Variants in DLG2 observed in about 807,000 individuals in gnomAD.
DLG2 encodes disks large homolog 2.
A neutral mutation model predicts 132.5 loss-of-function variants in DLG2; 45 were observed. That is an observed-to-expected ratio of 0.34 (90% CI 0.27 to 0.44). The LOEUF (loss-of-function observed/expected upper bound fraction) is 0.44, where lower values mean the gene tolerates loss of function less well. Among genes scored for constraint, DLG2 ranks in the 20% least tolerant of loss-of-function variants. The pLI, the probability that DLG2 is intolerant of heterozygous loss-of-function variation, is 1.00. For missense variants in DLG2, 1,045 were observed against 1,196.9 expected (o/e 0.87, Z 1.87); for synonymous variants, 424 against 419.6 (o/e 1.01, Z -0.13).
intron 3 of DLG2, among the ~76,000 whole-genome samples, chr11:85,529,769 T>C (rs1216817496): frequency 1.3e-5 from 2 of 152,092 alleles, no homozygotes; most frequent in African/African-American, 4.8e-5. Context: ...ACACTTTAGG[T>C]CCAGTGTCTC....
chr11:83,490,500 G>A (rs1290978753), intron 21 of DLG2, among the ~76,000 whole-genome samples: 2 of 151,952 alleles, frequency 1.3e-5, no homozygotes, highest in Non-Finnish European at 2.9e-5. Context: ...TCAAGTTAGG[G>A]AAGAATCATC....
At chr11:84,034,875 T>C (rs1032701067) in intron 11 of DLG2, among the ~76,000 whole-genome samples, 1 of 152,176 alleles carries the variant, frequency 6.6e-6, no homozygotes, top group Non-Finnish European at 1.5e-5. Flanking sequence ...ATTTTGCAGA[T>C]TGACCTTAAA....
intron 11 of DLG2, among the ~76,000 whole-genome samples, chr11:83,995,215 A>G (rs960948191): frequency 6.6e-6 from 1 of 152,140 alleles, no homozygotes; most frequent in Non-Finnish European, 1.5e-5. Context: ...TTCACAGACC[A>G]ATGTGGAAAG....
chr11:85,034,429 T>C (rs535521383), intron 6 of DLG2, among the ~76,000 whole-genome samples: 2 of 152,256 alleles, frequency 1.3e-5, no homozygotes, highest in East Asian at 3.9e-4. Flanking sequence ...AGCAAAATCT[T>C]CTACAGTTTT....
At chr11:84,267,166 T>TC (rs1206937649) in intron 7 of DLG2, among the ~76,000 whole-genome samples, 26 of 152,334 alleles carry the variant, frequency 1.7e-4, no homozygotes, top group African/African-American at 6.0e-4. Context: ...CCACTAATCC[T>TC]CTGAAATGTA....
chr11:85,120,643 T>C (rs2074189224), intron 5 of DLG2, among the ~76,000 whole-genome samples: 1 of 152,076 alleles, frequency 6.6e-6, no homozygotes, highest in South Asian at 2.1e-4. Flanking sequence ...AAAGGTTATA[T>C]TTCTCATTGT....
intron 6 of DLG2, among the ~76,000 whole-genome samples, chr11:84,801,266 GTTA>G (rs1287063247): frequency 2.6e-5 from 4 of 152,076 alleles, no homozygotes; most frequent in Admixed American, 1.3e-4. Context: ...GTCCAAGAAG[GTTA>G]TTAGAAAATT....
chr11:85,125,747 G>T (rs2075019183), intron 5 of DLG2, among the ~76,000 whole-genome samples: 2 of 151,360 alleles, frequency 1.3e-5, no homozygotes, highest in Admixed American at 1.3e-4. Context: ...TCACCAGGTT[G>T]GTCTAAAGAC....
intron 6 of DLG2, among the ~76,000 whole-genome samples, chr11:84,550,968 C>T (rs920167061): frequency 2.0e-5 from 3 of 152,110 alleles, no homozygotes; most frequent in African/African-American, 7.2e-5. Flanking sequence ...TGGGAAGACA[C>T]TCAGGGGTCC....
chr11:84,780,379 C>T (rs2071517592), intron 6 of DLG2, among the ~76,000 whole-genome samples: 1 of 151,866 alleles, frequency 6.6e-6, no homozygotes, highest in Non-Finnish European at 1.5e-5. Context: ...CAACATACCT[C>T]AAAAAAATAT....
At chr11:84,373,294 G>C (rs868599304) in intron 7 of DLG2, among the ~76,000 whole-genome samples, 1 of 87,558 alleles carries the variant, frequency 1.1e-5, no homozygotes, top group Admixed American at 1.2e-4. Context: ...ACCAGGCCCG[G>C]CACGGTGGCT....
Position 83,816,989 on chromosome 11 carries a change from T to C in DLG2, c.1722+16625A>G, listed in dbSNP as rs200047276. Among the ~76,000 whole-genome samples the C allele has an allele frequency of 1.2e-3, 23 of 18,732 alleles. No homozygotes were observed. The African/African-American group carries it at 0.013, about 11-fold the overall frequency. 12.3% of individuals were successfully genotyped at this position (18,732 alleles called of 152,430 possible). A position where few individuals can be genotyped will look rare whatever the true frequency, so the allele number is the denominator to read the frequency against. On this transcript the variant is annotated intron_variant, in intron 17 of 27. Coordinates refer to ENST00000376104, the MANE Select transcript of DLG2 (RefSeq NM_001142699.3). ...AATACAGGTGTATACTGCCCATGCA[T>C]TGTTGGCCATGCATTTATTTTACTA... is the stretch of plus-strand genomic sequence containing the variant.
chr11:84,468,290 G>A (rs2099099853), intron 7 of DLG2, among the ~76,000 whole-genome samples: 2 of 151,448 alleles, frequency 1.3e-5, no homozygotes, highest in Non-Finnish European at 3.0e-5. Flanking sequence ...CCATAAAATG[G>A]TCCCTTGACT....
At position 84,784,541 on chromosome 11, in the gene DLG2, T is replaced by C. The variant is rs557839349; in HGVS notation, c.358-249810A>G. On this transcript the variant is annotated intron_variant, in intron 6 of 27. Transcript: ENST00000376104. Reference sequence around the variant, plus strand: ...CTTGCAACCAACTTTATGTCATCTATACTCCTAACCACTCCCTCAGATTAT... The same window carrying C: ...CTTGCAACCAACTTTATGTCATCTACACTCCTAACCACTCCCTCAGATTAT... Among the ~76,000 whole-genome samples, 37 of 152,104 alleles carry C rather than the reference T, an allele frequency of 2.4e-4. 1 individual carries two copies. The highest frequency in any genetic ancestry group is 6.8e-3 in the Middle Eastern group (2 of 294).
intron 3 of DLG2, among the ~76,000 whole-genome samples, chr11:85,474,066 C>A (rs2153080210): frequency 6.6e-6 from 1 of 151,974 alleles, no homozygotes; most frequent in South Asian, 2.1e-4. Flanking sequence ...ATGTTTCTTA[C>A]AACAGATGTA....
chr11:85,530,236 T>A (rs1162840669), intron 3 of DLG2, among the ~76,000 whole-genome samples: 3 of 152,068 alleles, frequency 2.0e-5, no homozygotes, highest in Non-Finnish European at 4.4e-5. Flanking sequence ...CCTCAGGTTA[T>A]CTGCCCACCT....
rs1041397832 is a variant in DLG2, at chr11:85,476,674, T to C, written c.40+121983A>G. On this transcript the variant is annotated intron_variant, in intron 3 of 27. Transcript: ENST00000376104. ...TGAAACACAGGAACACACACTAACATAGGCCTACATGAGGTCAGGAATATC... is the reference window on the plus strand; with the variant it reads ...TGAAACACAGGAACACACACTAACACAGGCCTACATGAGGTCAGGAATATC... 1.3e-5 allele frequency among the ~76,000 whole-genome samples: 2 copies of C among 152,050 alleles called. 1 individual carries two copies.
At chr11:84,081,320 T>C (rs1419792765) in intron 10 of DLG2, among the ~76,000 whole-genome samples, 1 of 152,138 alleles carries the variant, frequency 6.6e-6, no homozygotes, top group Non-Finnish European at 1.5e-5. Flanking sequence ...GTTAGAATAA[T>C]ACTGATATTG....
chr11:85,010,882 C>A (rs1392768770), intron 6 of DLG2, among the ~76,000 whole-genome samples: 6 of 152,124 alleles, frequency 3.9e-5, no homozygotes, highest in Non-Finnish European at 8.8e-5. Context: ...GAATAAGAGA[C>A]ATTTTCTCAA....
Sources: allele counts gnomAD v4.1 joint callset (sites outside exome capture counted in the v4.1 genomes callset), GRCh38; gene constraint gnomAD v4.1.1; transcripts MANE v1.5; gene names NCBI Gene and HGNC (gene_info 2026-07-23, HGNC 2026-07-21).